UTY: variants seen among roughly 807,000 people sequenced by gnomAD.
The protein encoded by UTY is histone demethylase UTY.
UTY carries 12 observed loss-of-function variants against 32.5 expected under a neutral mutation model. The ratio of observed to expected loss-of-function variants is 0.37; its 90% CI spans 0.24 to 0.60. The LOEUF is 0.60. Ranked by LOEUF, UTY falls within the 20% of genes least tolerant of loss-of-function variation. UTY has a pLI of 0.69. For synonymous variants in UTY, 131 were observed against 103.4 expected (o/e 1.27, Z -1.62); for missense variants, 303 against 299.2 (o/e 1.01, Z -0.09).
chrY:13,436,076 C>T, intron 4 of UTY, among the ~76,000 whole-genome samples: 2 of 32,908 alleles, frequency 6.1e-5, no homozygotes, highest in African/African-American at 2.4e-4. Context: ...CTGAAGCCGG[C>T]AGCAGGGTAG....
chrY:13,318,178 A>ATAATAG (rs2059602934), intron 21 of UTY, among the ~76,000 whole-genome samples: 1 of 22,029 alleles, frequency 4.5e-5, no homozygotes, highest in African/African-American at 3.8e-4. Flanking sequence ...AATAATAATA[A>ATAATAG]TAATAGTAAT....
At chrY:13,394,616 G>A in intron 7 of UTY, among the ~76,000 whole-genome samples, 1 of 33,274 alleles carries the variant, frequency 3.0e-5, no homozygotes, top group South Asian at 6.6e-4. Flanking sequence ...GTATTTTATA[G>A]TTTTTATTCA....
At chrY:13,289,355 G>A in intron 27 of UTY, among the ~76,000 whole-genome samples, 1 of 34,110 alleles carries the variant, frequency 2.9e-5, no homozygotes, top group Non-Finnish European at 7.3e-5. Flanking sequence ...CGCCAGGCCC[G>A]AAACCAGGCC....
chrY:13,359,991 A>G lies in UTY; in HGVS notation c.966-5T>C, dbSNP rs774396366. 7.7e-6 allele frequency: 3 copies of G among 390,723 alleles called. No individual in the cohort carries two copies. Among genetic ancestry groups the G allele is most frequent in the Non-Finnish European group, 1.1e-5 (3 of 277,579 alleles). On this transcript the variant is annotated splice_region_variant and splice_polypyrimidine_tract_variant and intron_variant, in intron 11 of 29. Coordinates refer to ENST00000545955, the MANE Select transcript of UTY (RefSeq NM_001258249.2). ...TTTTGCTGCTGATACAACACACTGG[A>G]AAGAAAAAGAATGCTGTCAAAAACT... is the stretch of plus-strand genomic sequence containing the variant.
chrY:13,446,875 A>T (rs1007237628), intron 4 of UTY, among the ~76,000 whole-genome samples: 1 of 32,483 alleles, frequency 3.1e-5, no homozygotes. Context: ...AAAACTTACT[A>T]CAAAGTTACA....
At chrY:13,337,413 T>C in intron 17 of UTY, among the ~76,000 whole-genome samples, 1 of 33,105 alleles carries the variant, frequency 3.0e-5, no homozygotes, top group Non-Finnish European at 7.5e-5. Flanking sequence ...AGAAAGCCAG[T>C]TATACTCTAA....
chrY:13,265,095 T>C (rs2055656956), intron 27 of UTY, among the ~76,000 whole-genome samples: 1 of 33,639 alleles, frequency 3.0e-5, no homozygotes, highest in Non-Finnish European at 7.4e-5. Context: ...GTTTCATTCA[T>C]CTATGTATCT....
intron 27 of UTY, among the ~76,000 whole-genome samples, chrY:13,290,325 A>G (rs2057694805): frequency 3.0e-5 from 1 of 33,645 alleles, no homozygotes; most frequent in African/African-American, 1.2e-4. Context: ...TAAAAGAGAT[A>G]TTACAACTGA....
At chrY:13,468,269 CA>C (rs2078096186) in intron 3 of UTY, among the ~76,000 whole-genome samples, 1 of 26,726 alleles carries the variant, frequency 3.7e-5, no homozygotes, top group African/African-American at 1.5e-4. Flanking sequence ...AAGACTGTCT[CA>C]AAAAAAAAAG....
At chrY:13,397,546 AT>A (rs2068381843) in intron 6 of UTY, among the ~76,000 whole-genome samples, 1 of 32,762 alleles carries the variant, frequency 3.1e-5, no homozygotes, top group Admixed American at 2.8e-4. Flanking sequence ...TTGCTGATAA[AT>A]TTTTTTTTCA....
chrY:13,247,834 G>A, downstream of UTY, among the ~76,000 whole-genome samples: 5 of 33,850 alleles, frequency 1.5e-4, no homozygotes, highest in Non-Finnish European at 2.9e-4. Flanking sequence ...ATCTTAAAGA[G>A]TTAAGACATA....
intron 28 of UTY, among the ~76,000 whole-genome samples, chrY:13,237,817 GGTAT>G: frequency 1.8e-4 from 6 of 32,923 alleles, no homozygotes; most frequent in Non-Finnish European, 4.5e-4. Context: ...CTGGGACAAA[GGTAT>G]GTCCGAGATG....
chrY:13,332,722 G>C, intron 18 of UTY, among the ~76,000 whole-genome samples: 1 of 33,093 alleles, frequency 3.0e-5, no homozygotes, highest in African/African-American at 1.2e-4. Context: ...ATTCAACATA[G>C]TATTCAAAGT....
At chrY:13,430,673 G>A in intron 4 of UTY, among the ~76,000 whole-genome samples, 2 of 32,362 alleles carry the variant, frequency 6.2e-5, no homozygotes, top group Non-Finnish European at 1.5e-4. Flanking sequence ...GTGCAATGTG[G>A]CTCATGCCTG....
intron 25 of UTY, among the ~76,000 whole-genome samples, chrY:13,301,754 C>A: frequency 3.0e-5 from 1 of 33,423 alleles, no homozygotes; most frequent in Non-Finnish European, 7.4e-5. Flanking sequence ...GTATAGATTT[C>A]TTTTTCCCTT....
chrY:13,397,906 C>A (rs2068435797), intron 6 of UTY, among the ~76,000 whole-genome samples: 1 of 32,849 alleles, frequency 3.0e-5, no homozygotes. Context: ...ACAAACTATT[C>A]CCATAAATAT....
chrY:13,404,935 T>C (rs2069638920), intron 6 of UTY, among the ~76,000 whole-genome samples: 1 of 32,861 alleles, frequency 3.0e-5, no homozygotes, highest in African/African-American at 1.2e-4. Context: ...CCTAAGTAAA[T>C]GAAATCAGTA....
At chrY:13,388,849 G>A (rs750333132) in intron 8 of UTY, among the ~76,000 whole-genome samples, 3 of 30,804 alleles carry the variant, frequency 9.7e-5, no homozygotes, top group South Asian at 7.9e-4. Context: ...GGGCTCTTCC[G>A]TCTCTGCTTG....
chrY:13,245,600 G>C (rs546508461), downstream of UTY, among the ~76,000 whole-genome samples: 46 of 34,251 alleles, frequency 1.3e-3, no homozygotes, highest in African/African-American at 4.9e-3. Flanking sequence ...TCCAAAATTT[G>C]TGCCTTTACT....
Sources: gnomAD v4.1 joint callset for allele counts (sites outside exome capture counted in the v4.1 genomes callset) on GRCh38, gnomAD v4.1.1 for gene constraint, MANE v1.5 for transcripts, NCBI Gene and HGNC (gene_info 2026-07-23, HGNC 2026-07-21) for gene names.